The following MAD1L1 variants were observed in gnomAD, a reference collection of about 807,000 sequenced individuals.
The protein encoded by MAD1L1 is mitotic spindle assembly checkpoint protein MAD1.
MAD1L1 carries 95 observed loss-of-function variants against 96.9 expected under a neutral mutation model. The ratio of observed to expected loss-of-function variants is 0.98; its 90% CI spans 0.83 to 1.16. MAD1L1 has a LOEUF of 1.16. MAD1L1 is among the 50% of genes most tolerant of loss of function. MAD1L1 has a pLI of 0.00. For missense variants in MAD1L1, 1,007 were observed against 954.4 expected (o/e 1.06, Z -0.73); for synonymous variants, 473 against 396.6 (o/e 1.19, Z -2.29).
Position 1,816,224 on chromosome 7 carries a change from G to A in MAD1L1, c.2003C>T (p.Thr668Ile). The change falls in exon 19 of 19, where the codon ACC (threonine) becomes ATC (isoleucine). Residue 668 changes from threonine to isoleucine, a missense_variant. Physicochemically the swap from Thr to Ile is moderately conservative, Grantham distance 89. Transcript: ENST00000265854. ...HPGDCLIFKA[T>I]SPSGSKMQLL... ...CTGCATCTTGGAACCCGAGGGGCTGGTGGCCTGCGGGGCAGTCAAGAAAGA... is the reference window on the plus strand; with the variant it reads ...CTGCATCTTGGAACCCGAGGGGCTGATGGCCTGCGGGGCAGTCAAGAAAGA... 6.2e-7 allele frequency: 1 copy of A among 1,612,506 alleles called. No homozygotes were observed. Among genetic ancestry groups the A allele is most frequent in the Non-Finnish European group, 8.5e-7 (1 of 1,179,400 alleles).
At chr7:1,870,010 C>A (rs531892317) in intron 18 of MAD1L1, among the ~76,000 whole-genome samples, 1 of 152,204 alleles carries the variant, frequency 6.6e-6, no homozygotes, top group Non-Finnish European at 1.5e-5. Flanking sequence ...CGTGCCAACC[C>A]GGAGTCCACA....
At chr7:2,066,704 T>C (rs1023832264) in intron 12 of MAD1L1, among the ~76,000 whole-genome samples, 2 of 152,200 alleles carry the variant, frequency 1.3e-5, no homozygotes, top group South Asian at 2.1e-4. Flanking sequence ...CACTAGACCA[T>C]GAGGGAGCCC....
rs527708128 is a variant in MAD1L1, at chr7:1,874,282, C to G, written c.1998+23918G>C. 7.4e-4 allele frequency among the ~76,000 whole-genome samples: 113 copies of G among 152,226 alleles called. 1 individual carries two copies. Among genetic ancestry groups the G allele is most frequent in the Middle Eastern group, 3.4e-3 (1 of 294 alleles). On this transcript the variant is annotated intron_variant, in intron 18 of 18. Transcript: ENST00000265854. ...GAGGTGACACACACTGGCAGACAAC[C>G]GTGTCATCGCACGGCCAGGCTGGGC...
At chr7:1,878,334 T>A (rs1242567741) in intron 18 of MAD1L1, among the ~76,000 whole-genome samples, 1 of 152,228 alleles carries the variant, frequency 6.6e-6, no homozygotes, top group African/African-American at 2.4e-5. Flanking sequence ...ATCATCCTGA[T>A]ACCAAGGCAA....
At chr7:2,067,523 G>A (rs1044154699) in intron 12 of MAD1L1, among the ~76,000 whole-genome samples, 13 of 152,070 alleles carry the variant, frequency 8.5e-5, no homozygotes, top group Non-Finnish European at 1.9e-4. Flanking sequence ...ACACAGTGTC[G>A]CCCCCTCTGC....
intron 18 of MAD1L1, among the ~76,000 whole-genome samples, chr7:1,863,503 G>C (rs1014290392): frequency 6.6e-6 from 1 of 152,246 alleles, no homozygotes; most frequent in Non-Finnish European, 1.5e-5. Flanking sequence ...CCCCCGCACA[G>C]CACGGCCTGG....
At chr7:2,042,859 T>C (rs1783748527) in intron 12 of MAD1L1, among the ~76,000 whole-genome samples, 1 of 150,950 alleles carries the variant, frequency 6.6e-6, no homozygotes, top group South Asian at 2.1e-4. Flanking sequence ...CTAATACACC[T>C]GAGGAGCCTT....
chr7:1,916,204 C>T (rs548314396), intron 17 of MAD1L1, among the ~76,000 whole-genome samples: 1 of 152,274 alleles, frequency 6.6e-6, no homozygotes, highest in African/African-American at 2.4e-5. Context: ...CGGGTGAAGC[C>T]GCCTCGGAAA....
Position 1,968,203 on chromosome 7 carries a change from C to T in MAD1L1, c.1506-10484G>A, listed in dbSNP as rs1056815234. 6.6e-6 allele frequency among the ~76,000 whole-genome samples: 1 copy of T among 152,180 alleles called. No individual in the cohort carries two copies. The highest frequency in any genetic ancestry group is 1.5e-5 in the Non-Finnish European group (1 of 68,022). On this transcript the variant is annotated intron_variant, in intron 15 of 18. Coordinates refer to ENST00000265854, the MANE Select transcript of MAD1L1 (RefSeq NM_001013836.2). This position sits in a 1 kb window ranked among gnomAD's most constrained non-coding sequence, Gnocchi z 5.6. ...GCACCCGGCAGAGCACGCCTCAATC[C>T]GGCGGTCAGGTCCACCGTCGACGCC...
At chr7:2,135,931 G>C (rs1471851843) in intron 11 of MAD1L1, among the ~76,000 whole-genome samples, 2 of 152,304 alleles carry the variant, frequency 1.3e-5, no homozygotes, top group East Asian at 3.9e-4. Context: ...CCATGATCAG[G>C]ACCACGCGGC....
chr7:1,863,243 T>C (rs1405472218), intron 18 of MAD1L1, among the ~76,000 whole-genome samples: 2 of 152,340 alleles, frequency 1.3e-5, no homozygotes, highest in South Asian at 2.1e-4. Context: ...GCGGGGTGAA[T>C]GCCGGGTGCG....
chr7:2,138,747 C>T (rs1163712495), intron 11 of MAD1L1, among the ~76,000 whole-genome samples: 7 of 152,164 alleles, frequency 4.6e-5, no homozygotes, highest in Non-Finnish European at 1.0e-4. Flanking sequence ...CAAAGAAACC[C>T]ATTGAGGGTG....
Position 1,968,569 on chromosome 7 carries a change from G to A in MAD1L1, c.1506-10850C>T, listed in dbSNP as rs960610938. ...TCCACCATCAACGCCTCAGTCCAGC[G>A]GTCAGGTCCACTGTCCACGCCTCAG... On this transcript the variant is annotated intron_variant, in intron 15 of 18. Transcript: ENST00000265854. The surrounding 1 kb of genome is among the most constrained non-coding windows in gnomAD (Gnocchi z 5.6). 6.6e-6 allele frequency among the ~76,000 whole-genome samples: 1 copy of A among 151,880 alleles called. No individual in the cohort carries two copies. Among genetic ancestry groups the A allele is most frequent in the African/African-American group, 2.4e-5 (1 of 41,326 alleles).
At chr7:2,060,272 TGCCGAGATAC>T (rs1217865161) in intron 12 of MAD1L1, among the ~76,000 whole-genome samples, 58 of 146,834 alleles carry the variant, frequency 4.0e-4, no homozygotes, top group Non-Finnish European at 5.9e-4. Context: ...GATACGCCGA[TGCCGAGATAC>T]GCCGATCCCG....
chr7:1,954,503 G>T (rs1042133632), intron 16 of MAD1L1, among the ~76,000 whole-genome samples: 6 of 152,172 alleles, frequency 3.9e-5, no homozygotes, highest in African/African-American at 1.4e-4. Flanking sequence ...CACTCAGGAG[G>T]TGGGGACAGG....
At chr7:2,040,833 A>C (rs1188419050) in intron 12 of MAD1L1, among the ~76,000 whole-genome samples, 1 of 152,234 alleles carries the variant, frequency 6.6e-6, no homozygotes, top group African/African-American at 2.4e-5. Context: ...GAAGGATCAA[A>C]GAAAATGCGT....
chr7:1,888,608 G>A (rs1786330690), intron 18 of MAD1L1, among the ~76,000 whole-genome samples: 1 of 151,988 alleles, frequency 6.6e-6, no homozygotes, highest in Non-Finnish European at 1.5e-5. Context: ...GGCTGCCTAT[G>A]CATGTGTGAG....
chr7:1,913,729 G>A lies in MAD1L1; in HGVS notation c.1808-15339C>T, dbSNP rs569441827. Among the ~76,000 whole-genome samples, 281 of 152,258 alleles carry A rather than the reference G, an allele frequency of 1.8e-3. 1 individual carries two copies. Among genetic ancestry groups the A allele is most frequent in the Non-Finnish European group, 5.9e-4 (40 of 68,000 alleles). On this transcript the variant is annotated intron_variant, in intron 17 of 18. Coordinates refer to ENST00000265854, the MANE Select transcript of MAD1L1 (RefSeq NM_001013836.2). Reference sequence around the variant, plus strand: ...CCAGGACAAAGCTGAGGCTGAGAGGGAAGCAGCTGGTCGGGGACACAGCAG... The same window carrying A: ...CCAGGACAAAGCTGAGGCTGAGAGGAAAGCAGCTGGTCGGGGACACAGCAG...
intron 17 of MAD1L1, among the ~76,000 whole-genome samples, chr7:1,920,844 C>G (rs2128456355): frequency 6.6e-6 from 1 of 152,358 alleles, no homozygotes; most frequent in East Asian, 1.9e-4. Context: ...CACTGTGTAT[C>G]CATTTAAAAA....
Sources: gnomAD v4.1 joint callset for allele counts (sites outside exome capture counted in the v4.1 genomes callset) on GRCh38, gnomAD v4.1.1 for gene constraint, Gnocchi (gnomAD v3.1) non-coding constraint, MANE v1.5 for transcripts, NCBI Gene and HGNC (gene_info 2026-07-23, HGNC 2026-07-21) for gene names.